Variants in CLMN observed in about 807,000 individuals in gnomAD.
CLMN encodes calmin (calponin-like, transmembrane).
CLMN carries 57 observed loss-of-function variants against 92.7 expected under a neutral mutation model. The observed-to-expected ratio is 0.61, with a 90% CI of 0.50 to 0.77. The LOEUF is 0.77. CLMN is among the 30% of genes least tolerant of loss of function. CLMN has a pLI of 0.00. For synonymous variants in CLMN, 466 were observed against 470.6 expected, an observed-to-expected ratio of 0.99 and a Z score of 0.13; for missense variants, 1,158 against 1,237.5, an observed-to-expected ratio of 0.94 and a Z score of 0.96.
chr14:95,296,918 G>C (rs1414551122), intron 1 of CLMN, among the ~76,000 whole-genome samples: 1 of 152,144 alleles, frequency 6.6e-6, no homozygotes, highest in Non-Finnish European at 1.5e-5. Context: ...TCTGACTCCA[G>C]GGCTGTGCAC....
chr14:95,250,462 C>A (rs924209327), intron 1 of CLMN, among the ~76,000 whole-genome samples: 6 of 152,306 alleles, frequency 3.9e-5, no homozygotes, highest in East Asian at 3.9e-4. Flanking sequence ...AAAACTCTTC[C>A]AACTCCATTC....
At chr14:95,319,544 G>C (rs1441042743) in intron 1 of CLMN, among the ~76,000 whole-genome samples, 167 bp downstream of exon 1, 3 of 152,118 alleles carry the variant, frequency 2.0e-5, no homozygotes, top group African/African-American at 7.2e-5. Context: ...GGCCGCCCTG[G>C]GGCTTGGGGG....
In CLMN at chr14:95,293,491, C is replaced by G. The variant is rs1477911663; in HGVS notation, c.82+26220G>C. Among the ~76,000 whole-genome samples, 5 of 151,596 alleles carry G rather than the reference C, an allele frequency of 3.3e-5. No homozygotes were observed. In the South Asian group the frequency reaches 8.3e-4, roughly 25 times the overall value. On this transcript the variant is annotated intron_variant, in intron 1 of 12. Coordinates refer to ENST00000298912, the MANE Select transcript of CLMN (RefSeq NM_024734.4). ...CTTGTTTTTAAATCAAATCAAATAA[C>G]CATACATATCTTGAGGCCTCCCTAG... is the stretch of plus-strand genomic sequence containing the variant.
At chr14:95,230,223 G>C (rs982665217) in intron 1 of CLMN, 90 bp from the exon 2 acceptor site, 31 of 1,217,096 alleles carry the variant, frequency 2.5e-5, no homozygotes, top group Non-Finnish European at 3.2e-5. Context: ...TCTAGGTGGA[G>C]GGCAGACAGA....
At chr14:95,193,060 T>C (rs770584284) in intron 12 of CLMN, 2 of 410,278 alleles carry the variant, frequency 4.9e-6, no homozygotes, top group Non-Finnish European at 4.3e-6. Flanking sequence ...CTCTTGGGTG[T>C]TGGGTAATAT....
chr14:95,315,843 G>A (rs1310406312), intron 1 of CLMN, among the ~76,000 whole-genome samples: 2 of 152,258 alleles, frequency 1.3e-5, no homozygotes, highest in Non-Finnish European at 2.9e-5. Flanking sequence ...CTCCTGAAAG[G>A]CAGAGACTAG....
intron 1 of CLMN, among the ~76,000 whole-genome samples, chr14:95,247,336 G>A (rs765107171): frequency 2.6e-5 from 4 of 152,236 alleles, no homozygotes; most frequent in Non-Finnish European, 4.4e-5. Context: ...ATGTACACAT[G>A]CTTGGCCAAG....
At chr14:95,214,472 T>C (rs1897278361) in intron 5 of CLMN, among the ~76,000 whole-genome samples, 1 of 151,150 alleles carries the variant, frequency 6.6e-6, no homozygotes, top group Non-Finnish European at 1.5e-5. Context: ...AACTCAGCCT[T>C]CCAAGTTGCT....
At position 95,182,414 on chromosome 14, in the gene CLMN, TAA is replaced by T. The variant is rs1323487898; in HGVS notation, c.*9148_*9149del. ...ACAATCTCCTGTCTCCAAGTTTAGT[TAA>T]GTCTGTCCTGAGGATGTACAGTAGG... On this transcript the variant is annotated 3_prime_UTR_variant, in exon 13 of 13. Coordinates refer to ENST00000298912, the MANE Select transcript of CLMN (RefSeq NM_024734.4). 6.6e-6 allele frequency: 1 copy of T among 152,236 alleles called. No homozygotes were observed. The allele number at this position is 152,236 out of a possible 1,614,324, so 9.4% of individuals were successfully genotyped here.
intron 1 of CLMN, among the ~76,000 whole-genome samples, chr14:95,266,846 A>G (rs1030902787): frequency 6.6e-6 from 1 of 152,208 alleles, no homozygotes; most frequent in Non-Finnish European, 1.5e-5. Flanking sequence ...AAAAAGACAC[A>G]AAGACCAATG....
At chr14:95,195,691 A>G (rs890353451) in intron 10 of CLMN, among the ~76,000 whole-genome samples, 1 of 152,260 alleles carries the variant, frequency 6.6e-6, no homozygotes, top group Non-Finnish European at 1.5e-5. Flanking sequence ...TTTGTCTGCC[A>G]TATGAGGCAC....
chr14:95,303,279 G>A (rs1383826557), intron 1 of CLMN, among the ~76,000 whole-genome samples: 2 of 152,222 alleles, frequency 1.3e-5, no homozygotes, highest in Non-Finnish European at 2.9e-5. Context: ...TCCCTCAGCG[G>A]TGTGGCTTTT....
intron 8 of CLMN, among the ~76,000 whole-genome samples, chr14:95,207,265 A>G (rs1348278362): frequency 6.6e-6 from 1 of 152,222 alleles, no homozygotes; most frequent in Non-Finnish European, 1.5e-5. Context: ...ATTTTGAAAT[A>G]CACAGTATAT....
chr14:95,246,407 GCCGTGGGGCTTC>G (rs2140669336), intron 1 of CLMN, among the ~76,000 whole-genome samples: 2 of 152,296 alleles, frequency 1.3e-5, no homozygotes, highest in South Asian at 4.1e-4. Context: ...CACTTAATGG[GCCGTGGGGCTTC>G]CCATGGGGCC....
chr14:95,306,312 G>A (rs1901273757), intron 1 of CLMN, among the ~76,000 whole-genome samples: 1 of 152,118 alleles, frequency 6.6e-6, no homozygotes. Context: ...AGGAGTTCGA[G>A]ACCAGCCTGG....
At chr14:95,272,900 T>C (rs1424201171) in intron 1 of CLMN, among the ~76,000 whole-genome samples, 1 of 152,228 alleles carries the variant, frequency 6.6e-6, no homozygotes, top group Non-Finnish European at 1.5e-5. Flanking sequence ...TGGTTCAAAA[T>C]TCCAAAAATG....
rs892492229 is a variant in CLMN, at chr14:95,256,792, G to A, written c.83-26659C>T. ...CGGGAAAACAGACATGGGGAAACTGGGGATGGCAGGAGAAGAGCTGTCAGT... is the reference window on the plus strand; with the variant it reads ...CGGGAAAACAGACATGGGGAAACTGAGGATGGCAGGAGAAGAGCTGTCAGT... On this transcript the variant is annotated intron_variant, in intron 1 of 12. Transcript: ENST00000298912. The surrounding 1 kb of genome is among the most constrained non-coding windows in gnomAD (Gnocchi z 4.9). Among the ~76,000 whole-genome samples, 2 of 152,208 alleles carry A rather than the reference G, an allele frequency of 1.3e-5. No homozygotes were observed. The highest frequency in any genetic ancestry group is 2.9e-5 in the Non-Finnish European group (2 of 68,046).
intron 4 of CLMN, among the ~76,000 whole-genome samples, chr14:95,218,351 T>C (rs1314925426): frequency 6.6e-6 from 1 of 152,186 alleles, no homozygotes; most frequent in Non-Finnish European, 1.5e-5. Flanking sequence ...TTGCAAGTCA[T>C]AGAGCTGGTC....
intron 5 of CLMN, among the ~76,000 whole-genome samples, chr14:95,213,676 A>G (rs1050035905): frequency 5.3e-5 from 8 of 152,010 alleles, no homozygotes; most frequent in Admixed American, 5.2e-4. Flanking sequence ...AGCTCCAGCC[A>G]GCACTTCACA....
Sources: allele counts gnomAD v4.1 joint callset (sites outside exome capture counted in the v4.1 genomes callset), GRCh38; gene constraint gnomAD v4.1.1; non-coding constraint Gnocchi (gnomAD v3.1); transcripts MANE v1.5; gene names NCBI Gene and HGNC (gene_info 2026-07-23, HGNC 2026-07-21).